ASH1L: variants seen among roughly 807,000 people sequenced by gnomAD.
ASH1L encodes ASH1 like histone lysine methyltransferase, also known as histone-lysine N-methyltransferase ASH1L.
In ASH1L, 23 loss-of-function variants were observed where a neutral mutation model predicts 269.0. The observed-to-expected ratio is 0.09, with a 90% confidence interval of 0.06 to 0.12. The LOEUF (loss-of-function observed/expected upper bound fraction) is 0.12, where lower values mean the gene tolerates loss of function less well. Among genes scored for constraint, ASH1L ranks in the 10% least tolerant of loss-of-function variants. The pLI is 1.00. For synonymous variants in ASH1L, 1,187 were observed against 1,253.5 expected (o/e 0.95, Z 1.12); for missense variants, 2,912 against 3,567.8 (o/e 0.82, Z 4.68).
chr1:155,544,742 G>A (rs1004325587), intron 1 of ASH1L, among the ~76,000 whole-genome samples: 3 of 151,584 alleles, frequency 2.0e-5, no homozygotes, highest in Non-Finnish European at 2.9e-5. Context: ...ACATGAAAAA[G>A]GATTAATATA....
chr1:155,351,786 G>C (rs1048894518), intron 17 of ASH1L, among the ~76,000 whole-genome samples: 3 of 151,954 alleles, frequency 2.0e-5, no homozygotes, highest in Admixed American at 1.3e-4. Flanking sequence ...AGGAGGTGGA[G>C]GTTGCAGTGA....
intron 4 of ASH1L, among the ~76,000 whole-genome samples, chr1:155,446,063 T>C (rs1439530974): frequency 6.7e-6 from 1 of 149,704 alleles, no homozygotes; most frequent in Non-Finnish European, 1.5e-5. Context: ...TTGGTATTTT[T>C]AGTAGAGACG....
In ASH1L at chr1:155,343,035, A is replaced by C; in HGVS notation, c.8293+279T>G. The C allele has an allele frequency of 1.2e-5, 3 of 240,984 alleles. No homozygotes were observed. The highest frequency in any genetic ancestry group is 1.6e-5 in the Non-Finnish European group (2 of 125,616). The allele number at this position is 240,984 out of a possible 1,614,324, so 14.9% of individuals were successfully genotyped here. On this transcript the variant is annotated intron_variant, in intron 24 of 27. Transcript: ENST00000392403. This position sits in a 1 kb window ranked among gnomAD's most constrained non-coding sequence, Gnocchi z 6.1. ...GAAGTCTTTTTTTTTTTTTTGAGGC[A>C]GGGTTTCATTCTGTTGCACAGGTTG...
intron 2 of ASH1L, among the ~76,000 whole-genome samples, chr1:155,520,535 G>A (rs1433893142): frequency 1.3e-5 from 2 of 152,054 alleles, no homozygotes; most frequent in Non-Finnish European, 2.9e-5. Context: ...GCTTACACCT[G>A]TAATCCCAGC....
In ASH1L at chr1:155,336,087, G is replaced by GAT. The variant is rs1652287993; in HGVS notation, c.*1572_*1573insAT. 3 of 149,380 alleles carry GAT rather than the reference G, an allele frequency of 2.0e-5. No homozygotes were observed. Among genetic ancestry groups the GAT allele is most frequent in the African/African-American group, 7.8e-5 (3 of 38,588 alleles). The allele number at this position is 149,380 out of a possible 1,614,324, so 9.3% of individuals were successfully genotyped here. On this transcript the variant is annotated 3_prime_UTR_variant, in exon 28 of 28. Transcript: ENST00000392403. ...TTTTCTTTAATAAAATATTTATTTT[G>GAT]CTTTTTCTCTGCTCAAGGGGATCAT...
At chr1:155,474,077 G>C (rs1168820528) in intron 3 of ASH1L, among the ~76,000 whole-genome samples, 2 of 152,086 alleles carry the variant, frequency 1.3e-5, no homozygotes, top group African/African-American at 2.4e-5. Flanking sequence ...CAGGTGATCT[G>C]CCTGCCTTGG....
At chr1:155,490,613 G>GTC (rs1294906010) in intron 2 of ASH1L, among the ~76,000 whole-genome samples, 3 of 46,612 alleles carry the variant, frequency 6.4e-5, no homozygotes, top group African/African-American at 1.9e-4. Flanking sequence ...GCCAGACTAC[G>GTC]TCACACACAC....
At chr1:155,483,737 T>A (rs1666113851) in intron 2 of ASH1L, among the ~76,000 whole-genome samples, 3 of 149,624 alleles carry the variant, frequency 2.0e-5, no homozygotes, top group South Asian at 2.1e-4. Flanking sequence ...CCTAAAAAAA[T>A]CCAAACAATT....
At chr1:155,429,463 G>T (rs1238165799) in intron 5 of ASH1L, among the ~76,000 whole-genome samples, 1 of 152,036 alleles carries the variant, frequency 6.6e-6, no homozygotes, top group Non-Finnish European at 1.5e-5. Flanking sequence ...TAGTAGAGAC[G>T]ATGTTGCCTA....
chr1:155,393,036 C>T (rs1658073211), intron 7 of ASH1L, among the ~76,000 whole-genome samples: 1 of 152,104 alleles, frequency 6.6e-6, no homozygotes, highest in South Asian at 2.1e-4. Flanking sequence ...TTTAAATTTG[C>T]TGAGAGCCTG....
At chr1:155,527,923 T>C (rs1454724937) in intron 1 of ASH1L, among the ~76,000 whole-genome samples, 4 of 152,120 alleles carry the variant, frequency 2.6e-5, no homozygotes, top group African/African-American at 9.7e-5. Context: ...CCTTCCTCCA[T>C]GACCTTTAAA....
chr1:155,379,539 C>CA (rs1656756440), intron 8 of ASH1L, among the ~76,000 whole-genome samples: 1 of 152,150 alleles, frequency 6.6e-6, no homozygotes, highest in African/African-American at 2.4e-5. Context: ...AGAGAAAAAA[C>CA]ACGGCATCTT....
At chr1:155,512,396 G>A (rs1341921887) in intron 2 of ASH1L, among the ~76,000 whole-genome samples, 2 of 149,390 alleles carry the variant, frequency 1.3e-5, no homozygotes, top group African/African-American at 4.9e-5. Context: ...AAGCCTGGGT[G>A]ACAGAGTGAG....
intron 3 of ASH1L, among the ~76,000 whole-genome samples, chr1:155,461,478 T>C (rs1486122668): frequency 1.3e-5 from 2 of 152,156 alleles, no homozygotes; most frequent in African/African-American, 4.8e-5. Flanking sequence ...AGATTGTTTA[T>C]TGTTGAATCT....
At chr1:155,420,832 A>T (rs1169403924) in intron 5 of ASH1L, among the ~76,000 whole-genome samples, 2 of 139,788 alleles carry the variant, frequency 1.4e-5, no homozygotes, top group East Asian at 4.2e-4. Context: ...CCTAGGTGAC[A>T]GAGCAAGGCT....
At chr1:155,493,045 G>T (rs371088003) in intron 2 of ASH1L, among the ~76,000 whole-genome samples, 2 of 152,064 alleles carry the variant, frequency 1.3e-5, no homozygotes, top group African/African-American at 4.8e-5. Context: ...TCGAACTCCT[G>T]AGCTCAAGTG....
chr1:155,457,749 T>C (rs1663969063), intron 4 of ASH1L, among the ~76,000 whole-genome samples: 1 of 152,208 alleles, frequency 6.6e-6, no homozygotes, highest in African/African-American at 2.4e-5. Context: ...TCAACAGAAA[T>C]CTAATTCAAT....
chr1:155,345,743 T>G (rs1036775448), intron 21 of ASH1L, among the ~76,000 whole-genome samples: 1 of 150,708 alleles, frequency 6.6e-6, no homozygotes, highest in Non-Finnish European at 1.5e-5. Context: ...CCTGGCTAAG[T>G]TTTGAATTTT....
In ASH1L at chr1:155,343,217, G is replaced by A. The variant is rs1652961040; in HGVS notation, c.8293+97C>T. The A allele has an allele frequency of 2.2e-6, 3 of 1,384,860 alleles. No homozygotes were observed. In the South Asian group the frequency reaches 4.1e-5, roughly 19 times the overall value. 85.8% of individuals were successfully genotyped at this position (1,384,860 alleles called of 1,614,324 possible). ...GCTGGTCTCACACTCCTGGGCTTAA[G>A]CAATCTGCCTGCCTCGGCCTCCCAC... On this transcript the variant is annotated intron_variant, in intron 24 of 27. Transcript: ENST00000392403. This position sits in a 1 kb window ranked among gnomAD's most constrained non-coding sequence, Gnocchi z 6.1.
Sources: allele counts gnomAD v4.1 joint callset (sites outside exome capture counted in the v4.1 genomes callset), GRCh38; gene constraint gnomAD v4.1.1; non-coding constraint Gnocchi (gnomAD v3.1); transcripts MANE v1.5; gene names NCBI Gene and HGNC (gene_info 2026-07-23, HGNC 2026-07-21).